The following NFIB variants were observed in gnomAD, a reference collection of about 807,000 sequenced individuals.
The protein encoded by NFIB is nuclear factor I B.
NFIB carries 11 observed loss-of-function variants against 61.5 expected under a neutral mutation model. That is an observed-to-expected ratio of 0.18 (90% CI 0.11 to 0.30). The LOEUF (loss-of-function observed/expected upper bound fraction) is 0.30. Among genes scored for constraint, NFIB ranks in the 10% least tolerant of loss-of-function variants. The pLI is 1.00. For synonymous variants in NFIB, 260 were observed against 216.5 expected, an observed-to-expected ratio of 1.20 and a Z score of -1.76; for missense variants, 471 against 608.9, an observed-to-expected ratio of 0.77 and a Z score of 2.38.
chr9:14,452,503 A>C, the NFIB span, among the ~76,000 whole-genome samples: 1 of 150,850 alleles, frequency 6.6e-6, no homozygotes, highest in African/African-American at 2.5e-5. Flanking sequence ...AAAGGAAAGG[A>C]AAGGAAAGGA....
chr9:14,269,898 C>A (rs937398358), intron 2 of NFIB, among the ~76,000 whole-genome samples: 4 of 152,154 alleles, frequency 2.6e-5, no homozygotes, highest in Non-Finnish European at 4.4e-5. Flanking sequence ...CTGAAAACTA[C>A]AGAGCGGCAA....
At chr9:14,299,515 G>A (rs941221824) in intron 2 of NFIB, among the ~76,000 whole-genome samples, 2 of 152,062 alleles carry the variant, frequency 1.3e-5, no homozygotes, top group African/African-American at 4.8e-5. Flanking sequence ...TTTTCTTAAA[G>A]GTAATTCTTA....
intron 2 of NFIB, among the ~76,000 whole-genome samples, chr9:14,182,025 C>T (rs556868595): frequency 6.6e-6 from 1 of 152,340 alleles, no homozygotes; most frequent in South Asian, 2.1e-4. Context: ...TGAAAAGTCT[C>T]TTCCATTCGT....
upstream of NFIB, chr9:14,317,466 T>C (rs1163675424): frequency 5.9e-5 from 9 of 152,188 alleles, no homozygotes; most frequent in South Asian, 2.1e-4. Flanking sequence ...TTGATGACCA[T>C]AGAGGATGCT....
intron 1 of NFIB, among the ~76,000 whole-genome samples, chr9:14,347,988 G>T (rs1313606197): frequency 6.6e-6 from 1 of 152,190 alleles, no homozygotes; most frequent in African/African-American, 2.4e-5. Flanking sequence ...TCCTTGGCGG[G>T]GACGTTGGTG....
At chr9:14,388,549 G>T (rs73419662) in intron 1 of NFIB, among the ~76,000 whole-genome samples, 140 of 151,964 alleles carry the variant, frequency 9.2e-4, no homozygotes, top group Non-Finnish European at 7.8e-4. Flanking sequence ...AGGGAAAAAT[G>T]CAAAAGAATA....
chr9:14,173,690 T>C (rs1338122683), intron 3 of NFIB, among the ~76,000 whole-genome samples: 1 of 152,206 alleles, frequency 6.6e-6, no homozygotes, highest in African/African-American at 2.4e-5. Flanking sequence ...TGTCTCTGCT[T>C]CTAATGTTGA....
chr9:14,396,262 C>T lies in NFIB; in HGVS notation c.108+2262G>A, dbSNP rs150890150. 1.5e-3 allele frequency among the ~76,000 whole-genome samples: 234 copies of T among 151,642 alleles called. 1 individual carries two copies. The highest frequency in any genetic ancestry group is 5.3e-3 in the African/African-American group (218 of 41,322). ...TTGGGACAACGAACAGGCACATTGG[C>T]TAAATCACCTTATTACACTTCCATA... is the stretch of plus-strand genomic sequence containing the variant. On this transcript the variant is annotated intron_variant, in intron 1 of 8. Coordinates refer to the NFIB transcript ENST00000380934.
intron 3 of NFIB, among the ~76,000 whole-genome samples, chr9:14,178,287 G>C (rs1177274552): frequency 6.6e-6 from 1 of 151,998 alleles, no homozygotes; most frequent in Non-Finnish European, 1.5e-5. Flanking sequence ...GAAATATTCT[G>C]AACTTCTGAA....
the NFIB span, among the ~76,000 whole-genome samples, chr9:14,512,933 G>GAAA: frequency 9.2e-3 from 1,181 of 128,662 alleles, 28 homozygotes; most frequent in African/African-American, 0.034. Context: ...CAAAGCTTTT[G>GAAA]AAAAAAAAAA....
At chr9:14,477,797 G>A in the NFIB span, among the ~76,000 whole-genome samples, 2 of 152,170 alleles carry the variant, frequency 1.3e-5, no homozygotes, top group Non-Finnish European at 2.9e-5. Flanking sequence ...GTTTTGTTTT[G>A]TTGTTATCAT....
intron 1 of NFIB, among the ~76,000 whole-genome samples, chr9:14,338,856 C>T (rs960738545): frequency 2.0e-5 from 3 of 151,908 alleles, no homozygotes; most frequent in African/African-American, 4.8e-5. Flanking sequence ...CTCCTTCCCC[C>T]CTTGGATCCC....
the NFIB span, among the ~76,000 whole-genome samples, chr9:14,526,055 C>A: frequency 6.6e-6 from 1 of 152,288 alleles, no homozygotes; most frequent in African/African-American, 2.4e-5. Context: ...CACTTTACAG[C>A]TGCCTCTACC....
the NFIB span, among the ~76,000 whole-genome samples, chr9:14,511,119 C>T: frequency 6.6e-6 from 1 of 151,996 alleles, no homozygotes; most frequent in African/African-American, 2.4e-5. Flanking sequence ...GTTATACTTG[C>T]CAATTTATAT....
At chr9:14,506,410 TAGA>T in the NFIB span, among the ~76,000 whole-genome samples, 1 of 152,156 alleles carries the variant, frequency 6.6e-6, no homozygotes, top group Non-Finnish European at 1.5e-5. Flanking sequence ...CCCTTGTCTC[TAGA>T]AGAAGGATAG....
chr9:14,357,120 A>G (rs1203405221), intron 1 of NFIB: 1 of 152,236 alleles, frequency 6.6e-6, no homozygotes, highest in Non-Finnish European at 1.5e-5. Flanking sequence ...GTTGCTGTAT[A>G]AATTAATATA....
intron 2 of NFIB, among the ~76,000 whole-genome samples, chr9:14,226,213 C>CT (rs34657019): frequency 6.6e-6 from 1 of 151,544 alleles, no homozygotes; most frequent in African/African-American, 2.4e-5. Context: ...ATTTGGATAA[C>CT]TTTTTTTTGG....
intron 2 of NFIB, among the ~76,000 whole-genome samples, chr9:14,186,727 G>C (rs2047369200): frequency 6.6e-6 from 1 of 151,286 alleles, no homozygotes; most frequent in Non-Finnish European, 1.5e-5. Flanking sequence ...CAGAACACTA[G>C]CTTTCCATAA....
At chr9:14,517,264 G>C in the NFIB span, among the ~76,000 whole-genome samples, 1 of 152,218 alleles carries the variant, frequency 6.6e-6, no homozygotes, top group African/African-American at 2.4e-5. Flanking sequence ...AGCAATTCAA[G>C]TGAGTATCTG....
Sources: gnomAD v4.1 joint callset for allele counts (sites outside exome capture counted in the v4.1 genomes callset) on GRCh38, gnomAD v4.1.1 for gene constraint, MANE v1.5 for transcripts, NCBI Gene and HGNC (gene_info 2026-07-23, HGNC 2026-07-21) for gene names.